The following GLRA2 variants were observed in gnomAD, a reference collection of about 807,000 sequenced individuals.
GLRA2 encodes glycine receptor subunit alpha-2.
A neutral mutation model predicts 31.6 loss-of-function variants in GLRA2; 11 were observed. The observed-to-expected ratio is 0.35, with a 90% confidence interval of 0.22 to 0.58. GLRA2 has a LOEUF of 0.58. Among genes scored for constraint, GLRA2 ranks in the 20% least tolerant of loss-of-function variants. The probability of loss-of-function intolerance (pLI) is 0.84; values close to 1 mark genes in which losing one functional copy is unlikely to be tolerated. For synonymous variants in GLRA2, 132 were observed against 134.0 expected (o/e 0.99, Z 0.10); for missense variants, 212 against 351.8 (o/e 0.60, Z 3.18).
chrX:14,680,213 A>T (rs1208511082), intron 7 of GLRA2, among the ~76,000 whole-genome samples: 1 of 112,277 alleles, frequency 8.9e-6, no homozygotes. Context: ...AGAGCACAGC[A>T]TGAGTGGGGT....
the GLRA2 span, among the ~76,000 whole-genome samples, chrX:14,519,441 C>T: frequency 8.9e-6 from 1 of 111,983 alleles, no homozygotes; most frequent in Non-Finnish European, 1.9e-5. Flanking sequence ...TCATGTTTAT[C>T]ATGAAACCTT....
the GLRA2 span, among the ~76,000 whole-genome samples, chrX:14,464,876 G>A: frequency 8.9e-6 from 1 of 112,212 alleles, no homozygotes; most frequent in Admixed American, 9.5e-5. Flanking sequence ...TTTTATGACA[G>A]CACCATGTTG....
the GLRA2 span, among the ~76,000 whole-genome samples, chrX:14,509,000 T>C: frequency 8.9e-6 from 1 of 111,733 alleles, no homozygotes; most frequent in Admixed American, 9.5e-5. Flanking sequence ...CAGATTTCAC[T>C]GAGGCTGTGT....
chrX:14,722,249 CTG>C (rs2091875776), intron 8 of GLRA2, among the ~76,000 whole-genome samples: 1 of 111,530 alleles, frequency 9.0e-6, no homozygotes, highest in African/African-American at 3.3e-5. Context: ...CAGACAGTAA[CTG>C]GGGCTGGAAC....
At chrX:14,458,458 C>A in the GLRA2 span, among the ~76,000 whole-genome samples, 1 of 112,106 alleles carries the variant, frequency 8.9e-6, no homozygotes, top group Non-Finnish European at 1.9e-5. Context: ...CTGACTTCCA[C>A]GATGGTTGAA....
At chrX:14,532,572 G>A (rs1324451029) in intron 2 of GLRA2, among the ~76,000 whole-genome samples, 200 bp downstream of exon 2, 2 of 111,521 alleles carry the variant, frequency 1.8e-5, no homozygotes, top group Non-Finnish European at 3.8e-5. Context: ...AACTTTCCTT[G>A]TTTGTGTTCT....
At chrX:14,688,417 G>A (rs1393077121) in intron 7 of GLRA2, among the ~76,000 whole-genome samples, 1 of 111,423 alleles carries the variant, frequency 9.0e-6, no homozygotes, top group Non-Finnish European at 1.9e-5. Context: ...TACAGAGTCA[G>A]GCAGGCCTCC....
the GLRA2 span, among the ~76,000 whole-genome samples, chrX:14,503,457 G>C: frequency 1.8e-5 from 2 of 111,770 alleles, no homozygotes; most frequent in African/African-American, 6.5e-5. Context: ...TTCAAACTGA[G>C]TTATGTAGTA....
upstream of GLRA2, chrX:14,529,261 C>T (rs761208920): frequency 9.3e-6 from 1 of 107,702 alleles, no homozygotes; most frequent in East Asian, 2.9e-4. Flanking sequence ...TCCCGCCCAC[C>T]CACCGACAGC....
chrX:14,522,318 G>C, the GLRA2 span, among the ~76,000 whole-genome samples: 1 of 111,979 alleles, frequency 8.9e-6, no homozygotes, highest in Non-Finnish European at 1.9e-5. Context: ...GCAATTCAGT[G>C]ACATCTTCAG....
At chrX:14,620,643 T>C (rs1367478812) in intron 7 of GLRA2, among the ~76,000 whole-genome samples, 1 of 111,230 alleles carries the variant, frequency 9.0e-6, no homozygotes, top group African/African-American at 3.3e-5. Flanking sequence ...CCATCCTTTA[T>C]CACAAAATGG....
chrX:14,541,062 A>AT (rs1332957799), intron 2 of GLRA2, among the ~76,000 whole-genome samples: 9 of 111,661 alleles, frequency 8.1e-5, no homozygotes, highest in Non-Finnish European at 1.7e-4. Context: ...TTTCTGTCTG[A>AT]TTTAACATAT....
chrX:14,653,989 G>A (rs1331530813), intron 7 of GLRA2, among the ~76,000 whole-genome samples: 1 of 111,667 alleles, frequency 9.0e-6, no homozygotes, highest in Non-Finnish European at 1.9e-5. Flanking sequence ...GCCAGGCATG[G>A]TGGTGTGCCC....
chrX:14,605,981 C>T (rs1216705934), intron 5 of GLRA2, among the ~76,000 whole-genome samples: 1 of 107,914 alleles, frequency 9.3e-6, no homozygotes, highest in Non-Finnish European at 1.9e-5. Flanking sequence ...TGTATAGGGC[C>T]TCTTTGTATC....
At chrX:14,684,998 C>T (rs1482415527) in intron 7 of GLRA2, among the ~76,000 whole-genome samples, 1 of 111,158 alleles carries the variant, frequency 9.0e-6, no homozygotes, top group African/African-American at 3.3e-5. Flanking sequence ...CCATCAATAC[C>T]TAATTTATTG....
the GLRA2 span, among the ~76,000 whole-genome samples, chrX:14,486,013 C>G: frequency 8.9e-6 from 1 of 111,813 alleles, no homozygotes; most frequent in African/African-American, 3.3e-5. Context: ...TGTCTGGCTC[C>G]TTTATTCCAA....
chrX:14,676,968 C>G, intron 7 of GLRA2, among the ~76,000 whole-genome samples: 1 of 111,723 alleles, frequency 9.0e-6, no homozygotes, highest in East Asian at 2.8e-4. Context: ...CCAAATTCCA[C>G]CATCTCACTT....
chrX:14,529,399 C>T (rs986553615), upstream of GLRA2: 1 of 109,996 alleles, frequency 9.1e-6, no homozygotes, highest in East Asian at 2.9e-4. Flanking sequence ...TCTTTGCCTT[C>T]GAACAGCAGG....
intron 6 of GLRA2, 109 bp from the exon 7 acceptor site, chrX:14,608,881 CA>C (rs1406347088): frequency 6.5e-6 from 3 of 463,663 alleles, no homozygotes; most frequent in Non-Finnish European, 1.1e-5. Flanking sequence ...TGCAATCTTC[CA>C]AATCCATCTG....
Sources: gnomAD v4.1 joint callset for allele counts (sites outside exome capture counted in the v4.1 genomes callset) on GRCh38, gnomAD v4.1.1 for gene constraint, MANE v1.5 for transcripts, NCBI Gene and HGNC (gene_info 2026-07-23, HGNC 2026-07-21) for gene names.